RAB27B: variants seen among roughly 807,000 people sequenced by gnomAD.
The protein encoded by RAB27B is RAB27B, member RAS oncogene family, also known as ras-related protein Rab-27B.
RAB27B carries 15 observed loss-of-function variants against 24.6 expected under a neutral mutation model. The observed-to-expected ratio is 0.61, with a 90% CI of 0.41 to 0.94. The LOEUF is 0.94. Ranked by LOEUF, RAB27B falls within the 40% of genes least tolerant of loss-of-function variation. The pLI, the probability that RAB27B is intolerant of heterozygous loss-of-function variation, is 0.00. For synonymous variants in RAB27B, 105 were observed against 92.5 expected (o/e 1.14, Z -0.78); for missense variants, 261 against 266.8 (o/e 0.98, Z 0.15).
intron 1 of RAB27B, among the ~76,000 whole-genome samples, chr18:54,853,000 A>G (rs935892858): frequency 2.0e-5 from 3 of 152,218 alleles, no homozygotes; most frequent in Non-Finnish European, 2.9e-5. Context: ...TGATAATATT[A>G]TCTTCCAGTA....
intron 2 of RAB27B, among the ~76,000 whole-genome samples, chr18:54,785,479 C>A (rs374586999): frequency 7.2e-6 from 1 of 138,480 alleles, no homozygotes; most frequent in South Asian, 2.3e-4. Context: ...ACTTTATCAG[C>A]GAGGCTTTGC....
chr18:54,816,916 A>G (rs2145158720), intron 2 of RAB27B, among the ~76,000 whole-genome samples: 1 of 152,330 alleles, frequency 6.6e-6, no homozygotes, highest in Admixed American at 6.5e-5. Flanking sequence ...CACAGAGAAA[A>G]ATATACAAAT....
chr18:54,884,847 C>T (rs556118608), intron 4 of RAB27B, among the ~76,000 whole-genome samples: 3 of 152,160 alleles, frequency 2.0e-5, no homozygotes, highest in East Asian at 1.9e-4. Context: ...GACACTGGCA[C>T]TGAAGGTGTG....
intron 2 of RAB27B, among the ~76,000 whole-genome samples, chr18:54,753,099 G>T (rs1032320035): frequency 6.6e-6 from 1 of 152,150 alleles, no homozygotes; most frequent in African/African-American, 2.4e-5. Context: ...AGGTGCCTGT[G>T]TCACCTTGGA....
Position 54,894,375 on chromosome 18 carries a change from T to G in RAB27B, c.*4962T>G, listed in dbSNP as rs556095836. 6.6e-6 allele frequency: 1 copy of G among 152,152 alleles called. No homozygotes were observed. The highest frequency in any genetic ancestry group is 2.1e-4 in the South Asian group (1 of 4,820). The allele number at this position is 152,152 out of a possible 1,614,324, so 9.4% of individuals were successfully genotyped here. On this transcript the variant is annotated 3_prime_UTR_variant, in exon 6 of 6. Transcript: ENST00000262094. Reference sequence around the variant, plus strand: ...TTCAGCTGACTTTGTCTACAAGGATTATTAGCAAATTCTGTAGGAGCAAGC... The same window carrying G: ...TTCAGCTGACTTTGTCTACAAGGATGATTAGCAAATTCTGTAGGAGCAAGC...
intron 3 of RAB27B, among the ~76,000 whole-genome samples, chr18:54,883,131 A>G (rs962718595): frequency 6.6e-6 from 1 of 152,156 alleles, no homozygotes; most frequent in African/African-American, 2.4e-5. Context: ...AATTAGGAAG[A>G]GTGGCCAGTT....
chr18:54,807,126 C>A (rs1909815473), intron 2 of RAB27B, among the ~76,000 whole-genome samples: 1 of 152,186 alleles, frequency 6.6e-6, no homozygotes, highest in Admixed American at 6.5e-5. Context: ...GTCTCAATCT[C>A]TTGACCTTGT....
chr18:54,814,440 A>T (rs1910061304), intron 2 of RAB27B, among the ~76,000 whole-genome samples: 1 of 152,172 alleles, frequency 6.6e-6, no homozygotes, highest in African/African-American at 2.4e-5. Context: ...GCTTTTCTTC[A>T]TGTGTTGTTG....
chr18:54,827,528 C>A (rs1214664305), upstream of RAB27B, among the ~76,000 whole-genome samples: 3 of 152,162 alleles, frequency 2.0e-5, no homozygotes, highest in Non-Finnish European at 4.4e-5. Flanking sequence ...TTGGTTTGGG[C>A]TATTCCTTTG....
At chr18:54,814,298 A>G (rs1910056748) in intron 2 of RAB27B, among the ~76,000 whole-genome samples, 1 of 152,232 alleles carries the variant, frequency 6.6e-6, no homozygotes, top group African/African-American at 2.4e-5. Context: ...CAGATTTACA[A>G]TCCAGATTTA....
At chr18:54,756,086 TAAAG>T (rs1359463247) in intron 2 of RAB27B, among the ~76,000 whole-genome samples, 3 of 152,206 alleles carry the variant, frequency 2.0e-5, no homozygotes, top group African/African-American at 4.8e-5. Context: ...CACTGAATAA[TAAAG>T]AATCATAACT....
intron 2 of RAB27B, among the ~76,000 whole-genome samples, chr18:54,810,943 C>A (rs2145148786): frequency 6.6e-6 from 1 of 152,090 alleles, no homozygotes; most frequent in African/African-American, 2.4e-5. Context: ...GGAATCATGG[C>A]TTTTGTATGA....
Position 54,727,513 on chromosome 18 carries a change from G to A in RAB27B, c.-20+9372G>A, listed in dbSNP as rs1283721279. Among the ~76,000 whole-genome samples, 7 of 152,282 alleles carry A rather than the reference G, an allele frequency of 4.6e-5. No homozygotes were observed. The East Asian group carries it at 1.4e-3, about 29-fold the overall frequency. ...ATTCTCTTACTTTTCAAGAGCTTCA[G>A]TTCTGGTAGTGGGGTGCCTCGGAGG... On this transcript the variant is annotated intron_variant, in intron 2 of 4. Coordinates refer to the RAB27B transcript ENST00000586570.
At chr18:54,807,474 G>A (rs1279124153) in intron 2 of RAB27B, among the ~76,000 whole-genome samples, 1 of 152,096 alleles carries the variant, frequency 6.6e-6, no homozygotes, top group South Asian at 2.1e-4. Context: ...TCGGGAACTT[G>A]GAGCTTTACA....
chr18:54,868,078 G>A (rs1165160704), intron 1 of RAB27B, among the ~76,000 whole-genome samples: 1 of 152,142 alleles, frequency 6.6e-6, no homozygotes. Flanking sequence ...GCTTGGTGCT[G>A]TCTTTGTGAC....
chr18:54,760,959 G>C (rs1472608306), intron 2 of RAB27B, among the ~76,000 whole-genome samples: 1 of 150,956 alleles, frequency 6.6e-6, no homozygotes, highest in Non-Finnish European at 1.5e-5. Context: ...CAATGGGAAA[G>C]GTCTATGGAG....
At chr18:54,763,209 A>C (rs1908247979) in intron 2 of RAB27B, among the ~76,000 whole-genome samples, 1 of 152,198 alleles carries the variant, frequency 6.6e-6, no homozygotes, top group African/African-American at 2.4e-5. Flanking sequence ...CTAAAGTGAG[A>C]GTATTATGGT....
intron 1 of RAB27B, among the ~76,000 whole-genome samples, chr18:54,837,110 AATAG>A (rs1476978235): frequency 3.6e-5 from 3 of 84,028 alleles, no homozygotes; most frequent in East Asian, 2.4e-3. Flanking sequence ...AATCTAGTAA[AATAG>A]AGAGTTACAT....
chr18:54,747,231 A>C (rs7239144), intron 2 of RAB27B, among the ~76,000 whole-genome samples: 9,414 of 152,084 alleles, frequency 0.062, 370 homozygotes, highest in Admixed American at 0.086. Flanking sequence ...GAAAGAAGAA[A>C]TCTATCTTGC....
Sources: allele counts gnomAD v4.1 joint callset (sites outside exome capture counted in the v4.1 genomes callset), GRCh38; gene constraint gnomAD v4.1.1; transcripts MANE v1.5; gene names NCBI Gene and HGNC (gene_info 2026-07-23, HGNC 2026-07-21).